Variants in NDUFS8 observed in about 807,000 individuals in gnomAD.
NDUFS8 encodes NADH dehydrogenase [ubiquinone] iron-sulfur protein 8, mitochondrial.
Under a neutral mutation model 25.6 loss-of-function variants are expected in NDUFS8, and 13 were observed. The observed-to-expected ratio is 0.51, with a 90% CI of 0.33 to 0.81. The LOEUF (loss-of-function observed/expected upper bound fraction) is 0.81, where lower values mean the gene tolerates loss of function less well. Ranked by LOEUF, NDUFS8 falls within the 30% of genes least tolerant of loss-of-function variation. The probability of loss-of-function intolerance (pLI) is 0.02; values close to 1 mark genes in which losing one functional copy is unlikely to be tolerated. For synonymous variants in NDUFS8, 119 were observed against 119.4 expected (o/e 1.00, Z 0.02); for missense variants, 257 against 300.9 (o/e 0.85, Z 1.08).
At chr11:68,036,198 T>C (rs1362916466) in intron 5 of NDUFS8, 55 bp from the exon 6 acceptor site, 28 of 1,608,734 alleles carry the variant, frequency 1.7e-5, no homozygotes, top group Non-Finnish European at 2.3e-5. Context: ...ACAGGGGCCC[T>C]GGGGGCTGGG....
At chr11:68,031,306 T>G (rs1181051452) in intron 1 of NDUFS8, among the ~76,000 whole-genome samples, 1 of 152,188 alleles carries the variant, frequency 6.6e-6, no homozygotes, top group Non-Finnish European at 1.5e-5. Context: ...TGGGTTCCGA[T>G]CCTCGGCCCA....
At chr11:68,036,042 A>C (rs78521181) in intron 5 of NDUFS8, 28 of 549,342 alleles carry the variant, frequency 5.1e-5, no homozygotes, top group African/African-American at 3.6e-4. Flanking sequence ...AAAAAAAAAA[A>C]CCAGCAAGGC....
intron 5 of NDUFS8, chr11:68,034,688 C>T (rs1482141735): frequency 6.6e-6 from 1 of 151,020 alleles, no homozygotes; most frequent in Non-Finnish European, 1.5e-5. Context: ...TTGGCAGGTC[C>T]CTGTAATCTC....
chr11:68,036,573 G>T lies in NDUFS8; in HGVS notation c.613G>T (p.Ala205Ser), dbSNP rs1221548607. The T allele has an allele frequency of 6.2e-7, 1 of 1,613,968 alleles. No homozygotes were observed. The highest frequency in any genetic ancestry group is 1.7e-5 in the Admixed American group (1 of 60,026). ...GGCCGAGATCGCCGCCAACATCCAGGCTGACTACTTGTATCGGTGACGCCC... is the reference window on the plus strand; with the variant it reads ...GGCCGAGATCGCCGCCAACATCCAGTCTGACTACTTGTATCGGTGACGCCC... ...WEAEIAANIQ[A>S]DYLYR Residue 205 changes from alanine (A) to serine (S), a missense_variant, in exon 7 of 7, where the codon GCT (alanine) becomes TCT (serine). Transcript: ENST00000313468.
Position 68,033,170 on chromosome 11 carries a change from G to A in NDUFS8, c.259G>A (p.Glu87Lys). Residue 87 changes from glutamate (E) to lysine (K), a missense_variant, in exon 5 of 7, where the codon GAG (glutamate) becomes AAG (lysine). Transcript: ENST00000313468. Reference sequence around the variant, plus strand: ...ACCGGCCACCATCAACTACCCGTTCGAGAAGGGCCCGCTGAGCCCTCGCTT... The same window carrying A: ...ACCGGCCACCATCAACTACCCGTTCAAGAAGGGCCCGCTGAGCCCTCGCTT... ...REPATINYPF[E>K]KGPLSPRFRG... 1 of 1,612,584 alleles carries A rather than the reference G, an allele frequency of 6.2e-7. No individual in the cohort carries two copies. Among genetic ancestry groups the A allele is most frequent in the Non-Finnish European group, 8.5e-7 (1 of 1,179,682 alleles).
intron 5 of NDUFS8, 23 bp from the exon 6 acceptor site, chr11:68,036,230 G>A (rs760844571): frequency 6.2e-7 from 1 of 1,612,142 alleles, no homozygotes; most frequent in South Asian, 1.1e-5. Flanking sequence ...CAGCGTGGCA[G>A]TGTCTGGTGG....
In NDUFS8 at chr11:68,036,306, C is replaced by G. The variant is rs775662744; in HGVS notation, c.426C>G (p.Arg142=). The G allele has an allele frequency of 1.2e-5, 20 of 1,613,508 alleles. No homozygotes were observed. The East Asian group carries it at 2.7e-4, about 22-fold the overall frequency. ...CTGATGGCAGCCGCCGGACCACCCGCTATGACATCGACATGACCAAGTGCA... is the reference window on the plus strand; with the variant it reads ...CTGATGGCAGCCGCCGGACCACCCGGTATGACATCGACATGACCAAGTGCA... The part of the protein sequence containing the change: ...PRADGSRRTT[R]YDIDMTKCIY... The change falls in exon 6 of 7, where the codon CGC becomes CGG. Residue 142 remains arginine, a synonymous_variant. Transcript: ENST00000313468.
intron 1 of NDUFS8, 133 bp downstream of exon 1, chr11:68,030,866 C>A (rs531234658): frequency 4.5e-6 from 2 of 444,392 alleles, no homozygotes; most frequent in Admixed American, 4.8e-5. Context: ...CCGCGGCCTC[C>A]GTGTCCTTCA....
Position 68,032,352 on chromosome 11 carries a change from G to C in NDUFS8, c.109+16G>C. 1 of 1,612,954 alleles carries C rather than the reference G, an allele frequency of 6.2e-7. No homozygotes were observed. The highest frequency in any genetic ancestry group is 8.5e-7 in the Non-Finnish European group (1 of 1,179,984). ...GCCACCTACAGTGAGTACCTGGGTGGCCTCTAGCCTCAGGTGTTCCTGACT... is the reference window on the plus strand; with the variant it reads ...GCCACCTACAGTGAGTACCTGGGTGCCCTCTAGCCTCAGGTGTTCCTGACT... On this transcript the variant is annotated intron_variant, in intron 3 of 6. Transcript: ENST00000313468.
rs1334939747 is a variant in NDUFS8, at chr11:68,033,339, G to GC, written c.372+58dup. The GC allele has an allele frequency of 3.8e-6, 6 of 1,565,042 alleles. No homozygotes were observed. The African/African-American group carries it at 4.0e-5, about 11-fold the overall frequency. ...CAGCCCCTGCCACTGGGAGAGGGAG[G>GC]CCAGGCAGCCCTAGGCCCAAACCCT... is the stretch of plus-strand genomic sequence containing the variant. On this transcript the variant is annotated intron_variant, in intron 5 of 6. Coordinates refer to ENST00000313468, the MANE Select transcript of NDUFS8 (RefSeq NM_002496.4).
chr11:68,033,574 G>T (rs544950889), intron 5 of NDUFS8: 13 of 514,694 alleles, frequency 2.5e-5, no homozygotes, highest in Non-Finnish European at 4.3e-5. Flanking sequence ...GAGCCATGGG[G>T]TGACACCTGA....
chr11:68,035,911 C>T (rs1239354972), intron 5 of NDUFS8: 2 of 371,308 alleles, frequency 5.4e-6, no homozygotes, highest in African/African-American at 4.3e-5. Context: ...CCCAGCTACT[C>T]AGGGGGCTGA....
chr11:68,034,801 T>C (rs1213282055), intron 5 of NDUFS8: 2 of 146,346 alleles, frequency 1.4e-5, no homozygotes, highest in African/African-American at 2.6e-5. Flanking sequence ...CCGGTTGCGG[T>C]GGCTCACGCC....
In NDUFS8 at chr11:68,036,386, G is replaced by C; in HGVS notation, c.501+5G>C. ...CCCGTGGATGCCATCGTCGAGGCAC[G>C]TGAGGCCCCCGGGTGGGAGGGGGCC... On this transcript the variant is annotated splice_donor_5th_base_variant and intron_variant, in intron 6 of 6. Transcript: ENST00000313468. 1 of 1,613,744 alleles carries C rather than the reference G, an allele frequency of 6.2e-7. No homozygotes were observed. Among genetic ancestry groups the C allele is most frequent in the Non-Finnish European group, 8.5e-7 (1 of 1,179,982 alleles).
intron 3 of NDUFS8, 106 bp from the exon 4 acceptor site, chr11:68,032,817 C>T: frequency 8.8e-7 from 1 of 1,131,120 alleles, no homozygotes; most frequent in Middle Eastern, 2.5e-4. Context: ...CCCTTTGTAG[C>T]CCAGCAGTTG....
In NDUFS8 at chr11:68,032,174, T is replaced by C. The variant is rs1207997096; in HGVS notation, c.23T>C (p.Met8Thr). MRCLTTPMLLRALAQAAR... is the reference protein window; with the variant it reads MRCLTTPTLLRALAQAAR... ...CAGATGCGCTGCCTGACCACGCCTA[T>C]GCTGCTGCGGGCCCTGGCCCAGGCT... Residue 8 changes from methionine (M) to threonine (T), a missense_variant, in exon 2 of 7, where the codon ATG becomes ACG. Coordinates refer to ENST00000313468, the MANE Select transcript of NDUFS8 (RefSeq NM_002496.4). 1.2e-6 allele frequency: 2 copies of C among 1,612,696 alleles called. No individual in the cohort carries two copies. The highest frequency in any genetic ancestry group is 2.2e-5 in the East Asian group (1 of 44,892).
intron 5 of NDUFS8, chr11:68,033,679 G>A: frequency 3.2e-6 from 1 of 316,958 alleles, no homozygotes; most frequent in South Asian, 3.0e-5. Context: ...CTCCCCTGAG[G>A]CCCGGCTTTC....
intron 5 of NDUFS8, 146 bp from the exon 6 acceptor site, chr11:68,036,107 G>A (rs1398200313): frequency 9.0e-6 from 12 of 1,326,176 alleles, no homozygotes; most frequent in Admixed American, 3.8e-5. Flanking sequence ...CAGAGGTGCA[G>A]GGCGGCCTCT....
rs376540665 is a variant in NDUFS8, at chr11:68,032,982, C to T, written c.169C>T (p.Arg57Cys). ...GAAGTCAGTGACTGACCGGGCAGCC[C>T]GCACCCTGCTGTGGACTGAGCTCTT... ...DMKSVTDRAA[R>C]TLLWTELFRG... Residue 57 changes from arginine to cysteine, a missense_variant, in exon 4 of 7, where the codon CGC (arginine) becomes TGC (cysteine). Physicochemically the swap from Arg to Cys is radical, Grantham distance 180. Transcript: ENST00000313468. 1.3e-5 allele frequency: 21 copies of T among 1,613,822 alleles called. No homozygotes were observed. Among genetic ancestry groups the T allele is most frequent in the African/African-American group, 1.2e-4 (9 of 75,030 alleles).
Sources: gnomAD v4.1 joint callset for allele counts (sites outside exome capture counted in the v4.1 genomes callset) on GRCh38, gnomAD v4.1.1 for gene constraint, MANE v1.5 for transcripts, NCBI Gene and HGNC (gene_info 2026-07-23, HGNC 2026-07-21) for gene names.